UQCC5: variants seen among roughly 807,000 people sequenced by gnomAD.
The protein encoded by UQCC5 is UPF0640 protein C3orf78.
the UQCC5 span, among the ~76,000 whole-genome samples, chr3:52,538,333 C>T: frequency 1.4e-3 from 217 of 152,320 alleles, no homozygotes; most frequent in African/African-American, 5.1e-3. Context: ...TGGGCACCAT[C>T]TGGGACGTGA....
the UQCC5 span, among the ~76,000 whole-genome samples, chr3:52,537,814 C>T: frequency 6.6e-6 from 1 of 151,938 alleles, no homozygotes; most frequent in Admixed American, 6.6e-5. Flanking sequence ...CCGGAAGCAG[C>T]TACCAAGTAA....
chr3:52,541,166 A>G, the UQCC5 span: 1 of 152,252 alleles, frequency 6.6e-6, no homozygotes, highest in Non-Finnish European at 1.5e-5. Context: ...TCCATGAGAA[A>G]GTGAACCTAC....
At chr3:52,539,870 C>T in the UQCC5 span, among the ~76,000 whole-genome samples, 1 of 152,184 alleles carries the variant, frequency 6.6e-6, no homozygotes, top group Non-Finnish European at 1.5e-5. Context: ...AACTCCTGAC[C>T]TTGTGATCCG....
chr3:52,538,503 C>T, the UQCC5 span, among the ~76,000 whole-genome samples: 121 of 152,186 alleles, frequency 8.0e-4, 1 homozygote, highest in South Asian at 1.9e-3. Context: ...CTCTTGTTGC[C>T]CAGGCTGGAG....
chr3:52,540,578 C>A, the UQCC5 span: 3 of 908,162 alleles, frequency 3.3e-6, no homozygotes, highest in Non-Finnish European at 4.9e-6. Context: ...CTTGTTCTGA[C>A]ACAGCTTGTC....
At chr3:52,536,661 C>A in the UQCC5 span, 1 of 1,507,922 alleles carries the variant, frequency 6.6e-7, no homozygotes, top group South Asian at 1.3e-5. Flanking sequence ...TCCCAGGTCG[C>A]GGTACACGGC....
chr3:52,540,271 A>C, the UQCC5 span, among the ~76,000 whole-genome samples: 2 of 152,200 alleles, frequency 1.3e-5, no homozygotes, highest in African/African-American at 2.4e-5. Flanking sequence ...ATCTAACTCA[A>C]GTTTTGTTTT....
the UQCC5 span, among the ~76,000 whole-genome samples, chr3:52,538,828 G>A: frequency 9.6e-5 from 6 of 62,406 alleles, no homozygotes; most frequent in South Asian, 2.3e-3. Context: ...AGGAGGATTT[G>A]TTATCACAGA....
At chr3:52,536,979 A>T in the UQCC5 span, 1 of 1,530,046 alleles carries the variant, frequency 6.5e-7, no homozygotes, top group Non-Finnish European at 8.8e-7. Context: ...TTTTCTGGGG[A>T]GTATTCTCAG....
At chr3:52,538,619 G>A in the UQCC5 span, among the ~76,000 whole-genome samples, 1 of 152,072 alleles carries the variant, frequency 6.6e-6, no homozygotes, top group South Asian at 2.1e-4. Flanking sequence ...GCACCACCAC[G>A]CCCGGCTAAT....
the UQCC5 span, chr3:52,536,771 C>A: frequency 6.4e-7 from 1 of 1,551,852 alleles, no homozygotes; most frequent in South Asian, 1.2e-5. Flanking sequence ...CACCAGGGCC[C>A]AGGTGAGACG....
chr3:52,540,477 G>A, the UQCC5 span: 5 of 1,531,402 alleles, frequency 3.3e-6, no homozygotes, highest in Non-Finnish European at 4.4e-6. Context: ...AAGGCTGGAA[G>A]ATGAATGAGA....
At chr3:52,541,131 TC>T in the UQCC5 span, 1 of 152,266 alleles carries the variant, frequency 6.6e-6, no homozygotes, top group Admixed American at 6.5e-5. Context: ...GCTGTTCGAT[TC>T]AGCTGCTAGA....
At chr3:52,536,622 A>G in the UQCC5 span, 1 of 1,472,766 alleles carries the variant, frequency 6.8e-7, no homozygotes, top group Non-Finnish European at 9.0e-7. Context: ...CGCCTACCAG[A>G]CAGTGGCGGA....
chr3:52,538,768 C>T, the UQCC5 span, among the ~76,000 whole-genome samples: 1 of 152,120 alleles, frequency 6.6e-6, no homozygotes. Context: ...GCCCAAATCC[C>T]AACATTTTAA....
At chr3:52,539,317 G>A in the UQCC5 span, among the ~76,000 whole-genome samples, 126 of 152,322 alleles carry the variant, frequency 8.3e-4, no homozygotes, top group Non-Finnish European at 1.1e-3. Context: ...AACAAGAAGC[G>A]GCTGAGCGGG....
the UQCC5 span, among the ~76,000 whole-genome samples, chr3:52,538,301 C>T: frequency 1.3e-5 from 2 of 152,080 alleles, no homozygotes; most frequent in Admixed American, 6.5e-5. Flanking sequence ...CCTGAAGGTG[C>T]CGAACACAGG....
At chr3:52,538,039 C>T in the UQCC5 span, among the ~76,000 whole-genome samples, 1 of 152,120 alleles carries the variant, frequency 6.6e-6, no homozygotes, top group Non-Finnish European at 1.5e-5. Flanking sequence ...AGGATTGAGT[C>T]ATTTTAGGGA....
the UQCC5 span, among the ~76,000 whole-genome samples, chr3:52,537,391 G>A: frequency 6.6e-6 from 1 of 152,188 alleles, no homozygotes; most frequent in Admixed American, 6.5e-5. Flanking sequence ...CAGATGATCA[G>A]CACTGTAAAG....
Sources: gnomAD v4.1 joint callset for allele counts (sites outside exome capture counted in the v4.1 genomes callset) on GRCh38, gnomAD v4.1.1 for gene constraint, MANE v1.5 for transcripts, NCBI Gene and HGNC (gene_info 2026-07-23, HGNC 2026-07-21) for gene names.